ERF: variants seen among roughly 807,000 people sequenced by gnomAD.
ERF encodes the protein ETS2 repressor factor.
In ERF, 10 loss-of-function variants were observed where a neutral mutation model predicts 41.6. The observed-to-expected ratio is 0.24, with a 90% CI of 0.15 to 0.41. The LOEUF (loss-of-function observed/expected upper bound fraction) is 0.41, where lower values mean the gene tolerates loss of function less well. Ranked by LOEUF, ERF falls within the 10% of genes least tolerant of loss-of-function variation. ERF has a pLI of 1.00. For synonymous variants in ERF, 395 were observed against 342.4 expected (o/e 1.15, Z -1.70); for missense variants, 621 against 763.2 (o/e 0.81, Z 2.19).
rs192294053 is a variant in ERF, at chr19:42,250,456, G to A, written c.132C>T (p.Gly44=). Reference sequence around the variant, plus strand: ...CGTAGTCCCCCTGCCAGGCAATGACGCCCTGGTACTCCTCCTTCCGCAGCA... The same window carrying A: ...CGTAGTCCCCCTGCCAGGCAATGACACCCTGGTACTCCTCCTTCCGCAGCA... ...LELLRKEEYQ[G]VIAWQGDYGE... The change falls in exon 2 of 4, where the codon GGC becomes GGT. Residue 44 remains glycine, a synonymous_variant. Coordinates refer to ENST00000222329, the MANE Select transcript of ERF (RefSeq NM_006494.4). The surrounding 1 kb of genome is among the most constrained non-coding windows in gnomAD (Gnocchi z 5.1). 77 of 1,613,548 alleles carry A rather than the reference G, an allele frequency of 4.8e-5. No homozygotes were observed. The Admixed American group carries it at 5.2e-4, about 11-fold the overall frequency.
rs921477280 is a variant in ERF at position 42,248,304 on chromosome 19, T to A, written c.*161A>T. Reference sequence around the variant, plus strand: ...GGCACCCACCCACCCCCACCATTTTTAAAAAAAAGAAATTAAAGTTTTATA... The same window carrying A: ...GGCACCCACCCACCCCCACCATTTTAAAAAAAAAGAAATTAAAGTTTTATA... On this transcript the variant is annotated 3_prime_UTR_variant, in exon 4 of 4. Transcript: ENST00000222329. The surrounding 1 kb of genome is among the most constrained non-coding windows in gnomAD (Gnocchi z 4.2). 8.0e-5 allele frequency: 49 copies of A among 614,868 alleles called. No individual in the cohort carries two copies. Among genetic ancestry groups the A allele is most frequent in the South Asian group, 2.3e-4 (3 of 12,768 alleles). 38.1% of individuals were successfully genotyped at this position (614,868 alleles called of 1,614,324 possible).
intron 1 of ERF, chr19:42,253,779 T>G (rs1282855599): frequency 3.4e-5 from 18 of 523,364 alleles, no homozygotes; most frequent in African/African-American, 1.2e-4. Context: ...GGGATGGGGA[T>G]GGGAATGGGG....
chr19:42,254,650 A>C (rs947694319), intron 1 of ERF: 52 of 203,090 alleles, frequency 2.6e-4, no homozygotes, highest in Middle Eastern at 1.8e-3. Context: ...CCCGGCCCCC[A>C]GAGTGCAACG....
At position 42,248,390 on chromosome 19, in the gene ERF, C is replaced by G; in HGVS notation, c.*75G>C. ...AGAGACAAGAGAGCTGCCCTCACCT[C>G]CAGGGCATAGGGGGCTTAAGGCAGC... is the stretch of plus-strand genomic sequence containing the variant. On this transcript the variant is annotated 3_prime_UTR_variant, in exon 4 of 4. Coordinates refer to ENST00000222329, the MANE Select transcript of ERF (RefSeq NM_006494.4). The surrounding 1 kb of genome is among the most constrained non-coding windows in gnomAD (Gnocchi z 4.2). 3.1e-6 allele frequency: 4 copies of G among 1,299,946 alleles called. No individual in the cohort carries two copies. The highest frequency in any genetic ancestry group is 4.0e-6 in the Non-Finnish European group (4 of 997,890). The allele number at this position is 1,299,946 out of a possible 1,614,324, so 80.5% of individuals were successfully genotyped here.
At chr19:42,251,135 C>A in intron 1 of ERF, 1 of 831,926 alleles carries the variant, frequency 1.2e-6, no homozygotes, top group Middle Eastern at 6.4e-4. Context: ...ATGAGGTCAG[C>A]GCTTGCACAC....
intron 1 of ERF, 72 bp downstream of exon 1, chr19:42,254,906 C>T: frequency 1.4e-6 from 2 of 1,474,362 alleles, no homozygotes; most frequent in Admixed American, 2.6e-5. Context: ...ACCCCTTCAG[C>T]CCCCCCAAAG....
chr19:42,254,935 CG>C, intron 1 of ERF, 42 bp downstream of exon 1: 1 of 1,517,400 alleles, frequency 6.6e-7, no homozygotes, highest in East Asian at 2.7e-5. Flanking sequence ...TTCGGTTTCC[CG>C]GGGCAACAAG....
chr19:42,253,123 C>G (rs1427591012), intron 1 of ERF, among the ~76,000 whole-genome samples: 1 of 152,056 alleles, frequency 6.6e-6, no homozygotes, highest in Admixed American at 6.6e-5. Context: ...CTCCTGGGCA[C>G]CCCCCAACCT....
Position 42,249,497 on chromosome 19 carries a change from G to C in ERF, c.615C>G (p.Arg205=), listed in dbSNP as rs11557114. 0.079 allele frequency: 126,673 copies of C among 1,611,422 alleles called. 5,752 individuals are homozygous for C. Among genetic ancestry groups the C allele is most frequent in the Middle Eastern group, 0.18 (1,064 of 6,052 alleles). Residue 205 remains arginine, a synonymous_variant, in exon 4 of 4, where the codon CGC becomes CGG. Transcript: ENST00000222329. This position sits in a 1 kb window ranked among gnomAD's most constrained non-coding sequence, Gnocchi z 8.6. ...GATCCGGAGGGCCGGGTGGTCGGGC[G>C]CGGGGATCCTCTCCCAGCGGTTCCT... ...ELEEPLGEDP[R]ARPPGPPDLG... is the part of the protein sequence containing the mutation.
At chr19:42,252,147 T>C (rs140123221) in intron 1 of ERF, among the ~76,000 whole-genome samples, 1 of 152,122 alleles carries the variant, frequency 6.6e-6, no homozygotes, top group African/African-American at 2.4e-5. Flanking sequence ...AGGCCCAGGG[T>C]CCTTTGGAAC....
At chr19:42,254,867 A>C in intron 1 of ERF, 111 bp downstream of exon 1, 2 of 1,274,222 alleles carry the variant, frequency 1.6e-6, no homozygotes, top group South Asian at 3.2e-5. Flanking sequence ...GGGGTCCCCC[A>C]GAACTGGGGA....
At chr19:42,251,527 CGGTAATGGAGG>C (rs1467522370) in intron 1 of ERF, 1 of 178,428 alleles carries the variant, frequency 5.6e-6, no homozygotes, top group Non-Finnish European at 1.0e-5. Context: ...ACCAGGCAGC[CGGTAATGGAGG>C]GGTGGGAGGA....
At position 42,248,782 on chromosome 19, in the gene ERF, T is replaced by C. The variant is rs1347222091; in HGVS notation, c.1330A>G (p.Ser444Gly). 1.9e-6 allele frequency: 3 copies of C among 1,613,476 alleles called. No individual in the cohort carries two copies. The highest frequency in any genetic ancestry group is 2.5e-6 in the Non-Finnish European group (3 of 1,179,950). The change falls in exon 4 of 4, where the codon AGT (serine) becomes GGT (glycine). Residue 444 changes from serine (S) to glycine (G), a missense_variant. Physicochemically the swap from Ser to Gly is moderately conservative, Grantham distance 56. Transcript: ENST00000222329. The surrounding 1 kb of genome is among the most constrained non-coding windows in gnomAD (Gnocchi z 4.2). ...ESEEVEVTDI[S>G]DEDEEDGEVF... ...TCCCCGTCTTCCTCATCCTCATCACTGATGTCAGTCACCTCTACCTCCTCC... is the reference window on the plus strand; with the variant it reads ...TCCCCGTCTTCCTCATCCTCATCACCGATGTCAGTCACCTCTACCTCCTCC...
In ERF at chr19:42,249,302, C is replaced by T. The variant is rs1242588870; in HGVS notation, c.810G>A (p.Met270Ile). The T allele has an allele frequency of 6.3e-6, 10 of 1,598,612 alleles. No homozygotes were observed. Among genetic ancestry groups the T allele is most frequent in the Non-Finnish European group, 8.5e-6 (10 of 1,172,726 alleles). ...LPPQLSPALPMTPTHLAYTPS... is the reference protein window; with the variant it reads ...LPPQLSPALPITPTHLAYTPS... ...GAGTGTAGGCCAGGTGGGTGGGCGTCATGGGCAGAGCCGGGGAGAGCTGAG... is the reference window on the plus strand; with the variant it reads ...GAGTGTAGGCCAGGTGGGTGGGCGTTATGGGCAGAGCCGGGGAGAGCTGAG... Residue 270 changes from methionine (M) to isoleucine (I), a missense_variant, in exon 4 of 4, where the codon ATG becomes ATA. Coordinates refer to ENST00000222329, the MANE Select transcript of ERF (RefSeq NM_006494.4). This position sits in a 1 kb window ranked among gnomAD's most constrained non-coding sequence, Gnocchi z 8.6.
rs1418120327 is a variant in ERF at position 42,249,979 on chromosome 19, C to A, written c.258-37G>T. 1.3e-6 allele frequency: 2 copies of A among 1,591,030 alleles called. No individual in the cohort carries two copies. Among genetic ancestry groups the A allele is most frequent in the Non-Finnish European group, 1.7e-6 (2 of 1,159,170 alleles). On this transcript the variant is annotated intron_variant, in intron 2 of 3. Transcript: ENST00000222329. The surrounding 1 kb of genome is among the most constrained non-coding windows in gnomAD (Gnocchi z 8.6). The stretch of plus-strand genomic sequence containing the variant: ...GAAATGCCATTGGGAAGGTCAGGTA[C>A]GTGGGACCCAGGTCTAGACTCCACA...
intron 1 of ERF, chr19:42,253,715 C>G: frequency 6.1e-6 from 2 of 327,192 alleles, no homozygotes; most frequent in Non-Finnish European, 8.8e-6. Context: ...CCCCTGGCGC[C>G]GGATCCCAGC....
At chr19:42,253,472 C>G (rs2036479007) in intron 1 of ERF, among the ~76,000 whole-genome samples, 1 of 152,046 alleles carries the variant, frequency 6.6e-6, no homozygotes, top group South Asian at 2.1e-4. Flanking sequence ...GTTGGGGAAG[C>G]GACCCGCGGA....
chr19:42,254,736 C>A, intron 1 of ERF: 1 of 386,682 alleles, frequency 2.6e-6, no homozygotes, highest in Admixed American at 4.7e-5. Context: ...TGCGGGGTCC[C>A]GGTAGGGATA....
chr19:42,253,760 C>A, intron 1 of ERF: 1 of 656,506 alleles, frequency 1.5e-6, no homozygotes, highest in Non-Finnish European at 1.9e-6. Flanking sequence ...CCCCCACCCG[C>A]CGAGCAGGGG....
Sources: gnomAD v4.1 joint callset for allele counts (sites outside exome capture counted in the v4.1 genomes callset) on GRCh38, gnomAD v4.1.1 for gene constraint, Gnocchi (gnomAD v3.1) non-coding constraint, MANE v1.5 for transcripts, NCBI Gene and HGNC (gene_info 2026-07-23, HGNC 2026-07-21) for gene names.